TMEM87A: variants seen among roughly 807,000 people sequenced by gnomAD.
TMEM87A encodes the protein transmembrane protein 87A, also known as Golgi-pH regulating cation channel.
A neutral mutation model predicts 90.0 loss-of-function variants in TMEM87A; 50 were observed. The ratio of observed to expected loss-of-function variants is 0.56; its 90% CI spans 0.44 to 0.70. The LOEUF is 0.70. Among genes scored for constraint, TMEM87A ranks in the 30% least tolerant of loss-of-function variants. TMEM87A has a pLI of 0.00. For missense variants in TMEM87A, 577 were observed against 660.5 expected (o/e 0.87, Z 1.39); for synonymous variants, 226 against 226.7 (o/e 1.00, Z 0.03).
At position 42,210,510 on chromosome 15, in the gene TMEM87A, A is replaced by C. The variant is rs2050264713; in HGVS notation, c.*1198T>G. 6.6e-6 allele frequency: 1 copy of C among 152,244 alleles called. No individual in the cohort carries two copies. Among genetic ancestry groups the C allele is most frequent in the Admixed American group, 6.5e-5 (1 of 15,288 alleles). The allele number at this position is 152,244 out of a possible 1,614,324, so 9.4% of individuals were successfully genotyped here. The stretch of plus-strand genomic sequence containing the variant: ...AAAGAGTCTTTAGAAAAAGTTTGAA[A>C]AAAATGAGAAAAATACATTAATTTT... On this transcript the variant is annotated 3_prime_UTR_variant, in exon 20 of 20. Coordinates refer to ENST00000389834, the MANE Select transcript of TMEM87A (RefSeq NM_015497.5).
At chr15:42,270,511 G>A (rs1342502787) in intron 2 of TMEM87A, among the ~76,000 whole-genome samples, 2 of 152,076 alleles carry the variant, frequency 1.3e-5, no homozygotes, top group Admixed American at 6.6e-5. Context: ...CAGGAGAATC[G>A]CTTGAACCTG....
chr15:42,255,518 C>T (rs1375999330), intron 6 of TMEM87A, among the ~76,000 whole-genome samples: 1 of 152,122 alleles, frequency 6.6e-6, no homozygotes, highest in East Asian at 1.9e-4. Flanking sequence ...CCCACCCTGG[C>T]TTCTGAAGTG....
chr15:42,272,960 T>C (rs1350294019), intron 1 of TMEM87A: 1 of 575,110 alleles, frequency 1.7e-6, no homozygotes, highest in South Asian at 1.5e-5. Context: ...TCTCCGTTTG[T>C]ACATCAAGTT....
At position 42,260,968 on chromosome 15, in the gene TMEM87A, C is replaced by T. The variant is rs768273457; in HGVS notation, c.494G>A (p.Gly165Glu). The T allele has an allele frequency of 3.1e-6, 5 of 1,608,504 alleles. No individual in the cohort carries two copies. The Admixed American group carries it at 6.7e-5, about 22-fold the overall frequency. Residue 165 changes from glycine to glutamate, a missense_variant, in exon 6 of 20, where the codon GGA becomes GAA. Coordinates refer to ENST00000389834, the MANE Select transcript of TMEM87A (RefSeq NM_015497.5). The part of the protein sequence containing the change: ...KENGTNLTFI[G>E]DKTAMHEPLQ... ...CCCAAATATACTTACGGTTTTGTCT[C>T]CAATAAAGGTAAGGTTTGTTCCATT...
intron 6 of TMEM87A, chr15:42,258,177 C>A: frequency 1.0e-6 from 1 of 975,252 alleles, no homozygotes; most frequent in Non-Finnish European, 1.2e-6. Context: ...AGTAACGATG[C>A]AATACAATAT....
At chr15:42,222,487 A>G (rs947570539) in intron 15 of TMEM87A, among the ~76,000 whole-genome samples, 3 of 152,142 alleles carry the variant, frequency 2.0e-5, no homozygotes, top group Non-Finnish European at 4.4e-5. Context: ...TGTGCTACTG[A>G]TGCAGGAGCA....
chr15:42,273,282 C>T lies in TMEM87A; in HGVS notation c.117G>A (p.Arg39=), dbSNP rs776059456. 6 of 1,614,034 alleles carry T rather than the reference C, an allele frequency of 3.7e-6. No individual in the cohort carries two copies. The African/African-American group carries it at 4.0e-5, about 11-fold the overall frequency. ...ACGGTATCGGAATGTGCCATTTGGA[C>T]CGGTCGGCAGCAGCTACGGTTGCCG... is the stretch of plus-strand genomic sequence containing the variant. ...AGPATVAAAD[R]SKWHIPIPSG... Residue 39 remains arginine (R), a synonymous_variant, in exon 1 of 20, where the codon CGG becomes CGA. Coordinates refer to ENST00000389834, the MANE Select transcript of TMEM87A (RefSeq NM_015497.5).
At chr15:42,218,243 A>T in intron 18 of TMEM87A, 80 bp downstream of exon 18, 1 of 1,371,924 alleles carries the variant, frequency 7.3e-7, no homozygotes, top group African/African-American at 1.4e-5. Flanking sequence ...TTTCATGAGT[A>T]TAACTTGCTC....
chr15:42,249,958 T>C (rs2051052844), intron 6 of TMEM87A, among the ~76,000 whole-genome samples: 1 of 152,222 alleles, frequency 6.6e-6, no homozygotes, highest in Non-Finnish European at 1.5e-5. Flanking sequence ...TGCTCCTGTA[T>C]TGGGTGCATA....
chr15:42,258,947 T>C, intron 6 of TMEM87A: 1 of 1,084,324 alleles, frequency 9.2e-7, no homozygotes, highest in Non-Finnish European at 1.4e-6. Flanking sequence ...TATTAAAGTC[T>C]TTCAACAATC....
At chr15:42,225,300 TGG>T (rs796086886) in intron 15 of TMEM87A, among the ~76,000 whole-genome samples, 14 of 63,208 alleles carry the variant, frequency 2.2e-4, no homozygotes, top group Admixed American at 4.8e-4. Context: ...TAAATGCAAA[TGG>T]GGGGGGGGGG....
intron 10 of TMEM87A, among the ~76,000 whole-genome samples, chr15:42,235,783 T>C (rs970448181): frequency 6.6e-6 from 1 of 152,174 alleles, no homozygotes; most frequent in Non-Finnish European, 1.5e-5. Context: ...CACTGCACTT[T>C]CCACTGACAT....
chr15:42,273,560 T>A (rs1435623239), upstream of TMEM87A: 40 of 1,287,684 alleles, frequency 3.1e-5, no homozygotes, highest in Non-Finnish European at 3.7e-5. Flanking sequence ...CAGTCGTCTG[T>A]GCGCCGTGAG....
In TMEM87A at chr15:42,244,082, G is replaced by C; in HGVS notation, c.590C>G (p.Ser197Ter). The change falls in exon 7 of 20, where the codon TCA (serine) becomes TGA (stop). Residue 197 changes from serine (S) to a stop codon, truncating the protein, a stop_gained. Coordinates refer to ENST00000389834, the MANE Select transcript of TMEM87A (RefSeq NM_015497.5). LOFTEE classifies it high-confidence loss of function. ...AAGATTACTCAGTGAATTTTCTTTTGATGATTCCTTTGAGGATGAAATGCC... is the reference window on the plus strand; with the variant it reads ...AAGATTACTCAGTGAATTTTCTTTTCATGATTCCTTTGAGGATGAAATGCC... ...HIGISSSKES[S>*]KENSLSNLFT... The C allele has an allele frequency of 6.4e-7, 1 of 1,569,804 alleles. No individual in the cohort carries two copies. The highest frequency in any genetic ancestry group is 8.6e-7 in the Non-Finnish European group (1 of 1,165,850).
intron 7 of TMEM87A, among the ~76,000 whole-genome samples, chr15:42,240,578 T>C (rs1172679791): frequency 2.0e-5 from 3 of 152,182 alleles, no homozygotes; most frequent in Non-Finnish European, 4.4e-5. Flanking sequence ...AAAGCAAACA[T>C]TGACTAATTT....
chr15:42,215,007 G>T (rs1485034203), intron 19 of TMEM87A, among the ~76,000 whole-genome samples: 4 of 152,196 alleles, frequency 2.6e-5, no homozygotes, highest in African/African-American at 9.7e-5. Context: ...TTTCATAGCT[G>T]TGTGAACTTC....
intron 3 of TMEM87A, among the ~76,000 whole-genome samples, chr15:42,266,426 C>G (rs2412679): frequency 0.96 from 146,140 of 151,884 alleles, 70,504 homozygotes; most frequent in Non-Finnish European, 1. Context: ...TGAGGCTGGA[C>G]AATCACTTGA....
chr15:42,211,643 G>T lies in TMEM87A; in HGVS notation c.*65C>A. 6.7e-7 allele frequency: 1 copy of T among 1,492,106 alleles called. No homozygotes were observed. The highest frequency in any genetic ancestry group is 1.1e-5 in the South Asian group (1 of 87,248). The allele number at this position is 1,492,106 out of a possible 1,614,324, so 92.4% of individuals were successfully genotyped here. A position where few individuals can be genotyped will look rare whatever the true frequency, so the allele number is the denominator to read the frequency against. Reference sequence around the variant, plus strand: ...TTTAATCCCATGGAGCCGTACAGAAGACTGACACAGATGCTGATCTCTTCC... The same window carrying T: ...TTTAATCCCATGGAGCCGTACAGAATACTGACACAGATGCTGATCTCTTCC... On this transcript the variant is annotated 3_prime_UTR_variant, in exon 20 of 20. Coordinates refer to ENST00000389834, the MANE Select transcript of TMEM87A (RefSeq NM_015497.5).
At chr15:42,272,037 A>G in intron 2 of TMEM87A, 26 bp downstream of exon 2, 4 of 1,567,260 alleles carry the variant, frequency 2.6e-6, no homozygotes, top group Non-Finnish European at 3.5e-6. Flanking sequence ...ATTCAAATTA[A>G]AACTTCATGA....
Sources: gnomAD v4.1 joint callset for allele counts (sites outside exome capture counted in the v4.1 genomes callset) on GRCh38, gnomAD v4.1.1 for gene constraint, MANE v1.5 for transcripts, NCBI Gene and HGNC (gene_info 2026-07-23, HGNC 2026-07-21) for gene names.